GAS6: variants seen among roughly 807,000 people sequenced by gnomAD.
GAS6 encodes the protein growth arrest-specific protein 6.
GAS6 carries 41 observed loss-of-function variants against 75.8 expected under a neutral mutation model. The observed-to-expected ratio is 0.54, with a 90% CI of 0.42 to 0.70. GAS6 has a LOEUF of 0.70. Ranked by LOEUF, GAS6 falls within the 30% of genes least tolerant of loss-of-function variation. The pLI is 0.00. For synonymous variants in GAS6, 432 were observed against 412.6 expected (o/e 1.05, Z -0.57); for missense variants, 854 against 940.2 (o/e 0.91, Z 1.20).
Position 113,826,502 on chromosome 13 carries a change from G to A in GAS6, c.1477+494C>T, listed in dbSNP as rs112011060. Among the ~76,000 whole-genome samples, 301 of 108,398 alleles carry A rather than the reference G, an allele frequency of 2.8e-3. 2 individuals are homozygous for A. The highest frequency in any genetic ancestry group is 3.6e-3 in the Non-Finnish European group (187 of 52,616). 71.1% of individuals were successfully genotyped at this position (108,398 alleles called of 152,430 possible). A position where few individuals can be genotyped will look rare whatever the true frequency, so the allele number is the denominator to read the frequency against. The stretch of plus-strand genomic sequence containing the variant: ...CTTCTCTCCCCGGCCTCCCGGCGCC[G>A]GCCTCGCAGGCACCTTCTCTCCCCG... On this transcript the variant is annotated intron_variant, in intron 12 of 14. Coordinates refer to ENST00000327773, the MANE Select transcript of GAS6 (RefSeq NM_000820.4).
chr13:113,832,929 G>A lies in GAS6; in HGVS notation c.835-177C>T, dbSNP rs1387892515. ...CACACCTGCCCCACTGGGACTCCCA[G>A]GTGAAGGGCGGGCTTGCAGCAGCCG... On this transcript the variant is annotated intron_variant, in intron 8 of 14. Coordinates refer to ENST00000327773, the MANE Select transcript of GAS6 (RefSeq NM_000820.4). 3.4e-6 allele frequency: 5 copies of A among 1,489,980 alleles called. No homozygotes were observed. In the South Asian group the frequency reaches 6.5e-5, roughly 19 times the overall value. 92.3% of individuals were successfully genotyped at this position (1,489,980 alleles called of 1,614,324 possible).
chr13:113,824,381 C>T (rs1239416686), intron 12 of GAS6, among the ~76,000 whole-genome samples: 1 of 150,768 alleles, frequency 6.6e-6, no homozygotes, highest in East Asian at 2.0e-4. Context: ...CTGTCAGGAG[C>T]ACGCGCGGTC....
intron 2 of GAS6, among the ~76,000 whole-genome samples, chr13:113,858,311 A>C (rs1285110323): frequency 6.6e-6 from 1 of 152,192 alleles, no homozygotes; most frequent in African/African-American, 2.4e-5. Context: ...CATATTATGC[A>C]TGTGTGTACA....
rs573747080 is a variant in GAS6, at chr13:113,850,824, TGATAGATG to T, written c.256-2782_256-2775del. Among the ~76,000 whole-genome samples, 292 of 146,520 alleles carry T rather than the reference TGATAGATG, an allele frequency of 2.0e-3. 2 individuals are homozygous for T. Among genetic ancestry groups the T allele is most frequent in the Admixed American group, 5.9e-3 (88 of 14,802 alleles). On this transcript the variant is annotated intron_variant, in intron 2 of 14. Transcript: ENST00000327773. Reference sequence around the variant, plus strand: ...TGGATGAATGACTGAACAGATGGATTGATAGATGGATAGATGGATGGATAGATGCATGT... The same window carrying T: ...TGGATGAATGACTGAACAGATGGATTGATAGATGGATGGATAGATGCATGT...
At chr13:113,834,331 T>A (rs2051672512) in intron 8 of GAS6, among the ~76,000 whole-genome samples, 1 of 152,194 alleles carries the variant, frequency 6.6e-6, no homozygotes, top group Non-Finnish European at 1.5e-5. Flanking sequence ...ACCAGGCTGA[T>A]CCACTGTGAG....
Position 113,846,588 on chromosome 13 carries a change from G to C in GAS6, c.282C>G (p.Asp94Glu), listed in dbSNP as rs2051835691. ...ETDYFYPRYL[D>E]CINKYGSPYT... ...ACGGAGACCCATACTTGTTGATGCA[G>C]TCTGCAGGAAGAAAGGGAATGGATG... The change falls in exon 4 of 15, where the codon GAC becomes GAG. Residue 94 changes from aspartate to glutamate, a missense_variant and splice_region_variant. Asp to Glu is a conservative substitution (Grantham distance 45, BLOSUM62 2). Transcript: ENST00000327773. The C allele has an allele frequency of 2.5e-6, 4 of 1,613,750 alleles. No homozygotes were observed. Among genetic ancestry groups the C allele is most frequent in the Non-Finnish European group, 2.5e-6 (3 of 1,179,718 alleles).
In GAS6 at chr13:113,826,881, C is replaced by T. The variant is rs191960246; in HGVS notation, c.1477+115G>A. On this transcript the variant is annotated intron_variant, in intron 12 of 14. Transcript: ENST00000327773. ...CGCCCACCCATCCCTGCCCCGGAAC[C>T]GGAGGAGCCTCAGCTTGTCCTGACG... The T allele has an allele frequency of 5.2e-4, 170 of 327,030 alleles. 1 individual carries two copies. Among genetic ancestry groups the T allele is most frequent in the Admixed American group, 7.1e-4 (11 of 15,514 alleles). 20.3% of individuals were successfully genotyped at this position (327,030 alleles called of 1,614,324 possible). A position where few individuals can be genotyped will look rare whatever the true frequency, so the allele number is the denominator to read the frequency against.
chr13:113,842,025 C>T lies in GAS6; in HGVS notation c.344-2175G>A, dbSNP rs71449029. On this transcript the variant is annotated intron_variant, in intron 4 of 14. Coordinates refer to ENST00000327773, the MANE Select transcript of GAS6 (RefSeq NM_000820.4). ...TCCATATGCCTCAGTTTCCTCCATA[C>T]GCCCCAGTTTCCTCCATACGCCTCA... 32 of 135,666 alleles carry T rather than the reference C, an allele frequency of 2.4e-4. 4 individuals are homozygous for T. The highest frequency in any genetic ancestry group is 3.9e-4 in the African/African-American group (14 of 36,362). The allele number at this position is 135,666 out of a possible 1,614,324, so 8.4% of individuals were successfully genotyped here.
intron 5 of GAS6, chr13:113,839,352 ACTG>A (rs1215702417): frequency 1.2e-4 from 23 of 194,854 alleles, no homozygotes; most frequent in African/African-American, 5.5e-4. Context: ...AGTGGGTGCC[ACTG>A]ACACCACAGG....
intron 12 of GAS6, among the ~76,000 whole-genome samples, 192 bp from the exon 13 acceptor site, chr13:113,823,742 C>T (rs1429467865): frequency 6.6e-6 from 1 of 152,198 alleles, no homozygotes; most frequent in African/African-American, 2.4e-5. Flanking sequence ...CACCGGGGAC[C>T]CCCAGGCTGT....
intron 12 of GAS6, 114 bp downstream of exon 12, chr13:113,826,882 G>A (rs1000073529): frequency 5.1e-5 from 7 of 137,304 alleles, no homozygotes; most frequent in Non-Finnish European, 7.6e-5. Flanking sequence ...CCCCGGAACC[G>A]GAGGAGCCTC....
At position 113,820,927 on chromosome 13, in the gene GAS6, C is replaced by T. The variant is rs140807230; in HGVS notation, c.1974G>A (p.Ala658=). 113 of 1,612,364 alleles carry T rather than the reference C, an allele frequency of 7.0e-5. No individual in the cohort carries two copies. The highest frequency in any genetic ancestry group is 4.5e-4 in the East Asian group (20 of 44,882). The change falls in exon 15 of 15, where the codon GCG becomes GCA. Residue 658 remains alanine, a synonymous_variant. Coordinates refer to ENST00000327773, the MANE Select transcript of GAS6 (RefSeq NM_000820.4). ...VNRRLLDLDE[A]AYKHSDITAH... ...CCGTGATGTCGCTGTGCTTGTACGCCGCCTCGTCCAGGTCCAGCAGCCTCC... is the reference window on the plus strand; with the variant it reads ...CCGTGATGTCGCTGTGCTTGTACGCTGCCTCGTCCAGGTCCAGCAGCCTCC...
At chr13:113,857,620 G>C (rs1285126973) in intron 2 of GAS6, among the ~76,000 whole-genome samples, 1 of 152,212 alleles carries the variant, frequency 6.6e-6, no homozygotes, top group Admixed American at 6.5e-5. Context: ...CCATAACCTG[G>C]GAAGTGCTCA....
At chr13:113,835,986 G>A (rs1389817482) in intron 6 of GAS6, 32 of 1,063,300 alleles carry the variant, frequency 3.0e-5, no homozygotes, top group Non-Finnish European at 3.6e-5. Flanking sequence ...GTAACCCCCC[G>A]GGGGCATTTG....
At chr13:113,834,083 C>A (rs2051667434) in intron 8 of GAS6, among the ~76,000 whole-genome samples, 1 of 145,498 alleles carries the variant, frequency 6.9e-6, no homozygotes, top group Non-Finnish European at 1.5e-5. Context: ...TGACAGGCAC[C>A]AGTGTGACAG....
rs147410420 is a variant in GAS6, at chr13:113,853,209, G to A, written c.256-5159C>T. ...GTGCACTGAACTGGAAGCACCTCAC[G>A]CAGCCTAAAGTCAGTTTGGAAGGTT... is the stretch of plus-strand genomic sequence containing the variant. On this transcript the variant is annotated intron_variant, in intron 2 of 14. Coordinates refer to ENST00000327773, the MANE Select transcript of GAS6 (RefSeq NM_000820.4). Among the ~76,000 whole-genome samples the A allele has an allele frequency of 3.6e-4, 55 of 152,324 alleles. No homozygotes were observed. In the East Asian group the frequency reaches 6.4e-3, roughly 18 times the overall value.
rs1046623373 is a variant in GAS6, at chr13:113,844,723, G to A, written c.343+1804C>T. 2.6e-4 allele frequency: 39 copies of A among 150,660 alleles called. 1 individual carries two copies. Among genetic ancestry groups the A allele is most frequent in the African/African-American group, 9.2e-4 (37 of 40,074 alleles). 9.3% of individuals were successfully genotyped at this position (150,660 alleles called of 1,614,324 possible). A position where few individuals can be genotyped will look rare whatever the true frequency, so the allele number is the denominator to read the frequency against. On this transcript the variant is annotated intron_variant, in intron 4 of 14. Coordinates refer to ENST00000327773, the MANE Select transcript of GAS6 (RefSeq NM_000820.4). The surrounding 1 kb of genome is among the most constrained non-coding windows in gnomAD (Gnocchi z 5.7). Reference sequence around the variant, plus strand: ...AGGCCGAGTCTAAAGCTGTGGCCACGGCCTGTGGAAACCCGGCAGAAAATC... The same window carrying A: ...AGGCCGAGTCTAAAGCTGTGGCCACAGCCTGTGGAAACCCGGCAGAAAATC...
chr13:113,861,515 G>A (rs186633477), intron 2 of GAS6, among the ~76,000 whole-genome samples: 1 of 152,344 alleles, frequency 6.6e-6, no homozygotes, highest in African/African-American at 2.4e-5. Context: ...AGGAGCCCCT[G>A]GCCTTTGACA....
rs185119085 is a variant in GAS6, at chr13:113,848,972, C to G, written c.256-922G>C. Among the ~76,000 whole-genome samples, 3 of 152,302 alleles carry G rather than the reference C, an allele frequency of 2.0e-5. No individual in the cohort carries two copies. Among genetic ancestry groups the G allele is most frequent in the Admixed American group, 2.0e-4 (3 of 15,304 alleles). ...GAGTAGCAGACAGAGGCGGTAGGTA[C>G]CCAGCGCCGTCTGCAACGCGCCTCT... On this transcript the variant is annotated intron_variant, in intron 2 of 14. Transcript: ENST00000327773. This position sits in a 1 kb window ranked among gnomAD's most constrained non-coding sequence, Gnocchi z 4.8.
Sources: allele counts gnomAD v4.1 joint callset (sites outside exome capture counted in the v4.1 genomes callset), GRCh38; gene constraint gnomAD v4.1.1; non-coding constraint Gnocchi (gnomAD v3.1); transcripts MANE v1.5; gene names NCBI Gene and HGNC (gene_info 2026-07-23, HGNC 2026-07-21).